The following ACOXL variants were observed in gnomAD, a reference collection of about 807,000 sequenced individuals.
ACOXL encodes the protein acyl-CoA oxidase like, also known as acyl-coenzyme A oxidase-like protein.
A neutral mutation model predicts 71.9 loss-of-function variants in ACOXL; 70 were observed. The observed-to-expected ratio is 0.97, with a 90% confidence interval of 0.80 to 1.19. The LOEUF (loss-of-function observed/expected upper bound fraction) is 1.19. Ranked by LOEUF, ACOXL falls within the 50% of genes most tolerant of loss-of-function variation. The pLI is 0.00. For missense variants in ACOXL, 703 were observed against 736.3 expected, an observed-to-expected ratio of 0.95 and a Z score of 0.52; for synonymous variants, 253 against 281.6, an observed-to-expected ratio of 0.90 and a Z score of 1.02.
At chr2:110,756,881 C>T (rs1191995360) in intron 1 of ACOXL, among the ~76,000 whole-genome samples, 1 of 151,996 alleles carries the variant, frequency 6.6e-6, no homozygotes, top group Non-Finnish European at 1.5e-5. Flanking sequence ...GGGAGATTTG[C>T]CCCTTTTATT....
chr2:111,093,485 A>G, intron 17 of ACOXL: 1 of 1,614,126 alleles, frequency 6.2e-7, no homozygotes, highest in Non-Finnish European at 8.5e-7. Context: ...TCCTTTCTGC[A>G]GGAGAGATGC....
intron 9 of ACOXL, among the ~76,000 whole-genome samples, chr2:110,831,684 T>C (rs148050104): frequency 2.3e-3 from 356 of 152,304 alleles, no homozygotes; most frequent in African/African-American, 7.9e-3. Flanking sequence ...TTTCAAGATA[T>C]ATAGCTACAG....
chr2:110,947,488 T>G (rs2061152194), intron 12 of ACOXL, among the ~76,000 whole-genome samples: 1 of 152,184 alleles, frequency 6.6e-6, no homozygotes, highest in African/African-American at 2.4e-5. Context: ...ACTGGGAGCC[T>G]CAGTTTCCTT....
chr2:111,009,993 A>C (rs1358101252), intron 14 of ACOXL, among the ~76,000 whole-genome samples: 1 of 152,174 alleles, frequency 6.6e-6, no homozygotes, highest in Non-Finnish European at 1.5e-5. Flanking sequence ...CTAGAATAAG[A>C]CTCAATACCC....
At chr2:110,920,164 A>G (rs1338291157) in intron 11 of ACOXL, among the ~76,000 whole-genome samples, 1 of 152,178 alleles carries the variant, frequency 6.6e-6, no homozygotes, top group Non-Finnish European at 1.5e-5. Context: ...AAGTGGTTGT[A>G]TCATTTTGTG....
intron 11 of ACOXL, among the ~76,000 whole-genome samples, chr2:110,909,583 C>T (rs561323809): frequency 2.0e-5 from 3 of 152,142 alleles, no homozygotes; most frequent in South Asian, 2.1e-4. Context: ...GTTCTTTCCT[C>T]CCTCCATAAG....
At chr2:111,094,773 A>T (rs1025230510) in intron 17 of ACOXL, among the ~76,000 whole-genome samples, 8 of 152,322 alleles carry the variant, frequency 5.3e-5, no homozygotes, top group Admixed American at 4.6e-4. Context: ...CTATTAACAG[A>T]CAGTGCTTCT....
intron 16 of ACOXL, among the ~76,000 whole-genome samples, chr2:111,084,899 GAAAA>G (rs113297442): frequency 8.9e-6 from 1 of 112,906 alleles, no homozygotes; most frequent in Non-Finnish European, 1.8e-5. Context: ...TGGAAAACAG[GAAAA>G]AAAAAAAAAA....
rs751405851 is a variant in ACOXL, at chr2:110,995,907, A to G, written c.1184A>G (p.Asn395Ser). Residue 395 changes from asparagine to serine, a missense_variant, in exon 14 of 18, where the codon AAC becomes AGC. By Grantham distance (46) the Asn-to-Ser change is conservative (BLOSUM62 1). Coordinates refer to ENST00000439055, the MANE Select transcript of ACOXL (RefSeq NM_001142807.4). ...TTTTCTTTCAGTTTCCTGGCATTTA[A>G]CATGGACACAGTTGATGATCTCGCC... ...DKLRTSFLAF[N>S]MDTVDDLAFL... is the part of the protein sequence containing the mutation. 2 of 1,613,912 alleles carry G rather than the reference A, an allele frequency of 1.2e-6. No homozygotes were observed. The highest frequency in any genetic ancestry group is 1.3e-5 in the African/African-American group (1 of 74,936).
chr2:110,963,010 C>A (rs1230557236), intron 12 of ACOXL, among the ~76,000 whole-genome samples: 1 of 152,180 alleles, frequency 6.6e-6, no homozygotes, highest in Non-Finnish European at 1.5e-5. Context: ...GCCAAACTTA[C>A]TTTCTCCTGT....
chr2:110,812,671 G>T (rs1031604635), intron 9 of ACOXL, among the ~76,000 whole-genome samples: 1 of 152,246 alleles, frequency 6.6e-6, no homozygotes, highest in African/African-American at 2.4e-5. Context: ...CTCAAAGACC[G>T]AAGAGCTAGA....
At chr2:110,995,837 A>T in intron 13 of ACOXL, 56 bp from the exon 14 acceptor site, 9 of 1,387,778 alleles carry the variant, frequency 6.5e-6, no homozygotes, top group Non-Finnish European at 9.2e-6. Context: ...TTTCTTTCAA[A>T]TGAAATTCTT....
At chr2:110,937,624 G>A (rs1465424686) in intron 12 of ACOXL, among the ~76,000 whole-genome samples, 1 of 152,182 alleles carries the variant, frequency 6.6e-6, no homozygotes, top group Admixed American at 6.5e-5. Flanking sequence ...ATGCATACAT[G>A]CTGCATCTTC....
intron 11 of ACOXL, among the ~76,000 whole-genome samples, chr2:110,917,963 G>A (rs183126990): frequency 2.0e-5 from 3 of 152,236 alleles, no homozygotes; most frequent in Non-Finnish European, 2.9e-5. Flanking sequence ...TCAATTTGTC[G>A]TGAAAATGGT....
chr2:110,963,590 TGTGTGTGTGTG>T, intron 12 of ACOXL: 1 of 1,605,066 alleles, frequency 6.2e-7, no homozygotes. Context: ...TGTGTGTGTG[TGTGTGTGTGTG>T]TGTTTTTCTC....
At chr2:111,012,308 C>T (rs537230675) in intron 14 of ACOXL, among the ~76,000 whole-genome samples, 9 of 152,212 alleles carry the variant, frequency 5.9e-5, no homozygotes, top group Non-Finnish European at 1.0e-4. Flanking sequence ...TTAGACATAA[C>T]GTTATTGCAC....
At chr2:111,008,916 ATTATTTTCCCAT>A (rs1419146856) in intron 14 of ACOXL, among the ~76,000 whole-genome samples, 5 of 152,076 alleles carry the variant, frequency 3.3e-5, no homozygotes, top group Non-Finnish European at 5.9e-5. Flanking sequence ...GTCTGCTCAT[ATTATTTTCCCAT>A]TTTTCCATAG....
At chr2:111,057,944 G>A (rs944233776) in intron 16 of ACOXL, among the ~76,000 whole-genome samples, 12 of 149,590 alleles carry the variant, frequency 8.0e-5, no homozygotes, top group Non-Finnish European at 1.5e-4. Flanking sequence ...AGGGTGCAAC[G>A]CTTTGGGGAT....
intron 12 of ACOXL, among the ~76,000 whole-genome samples, chr2:110,951,963 C>G (rs1424586525): frequency 6.6e-6 from 1 of 152,134 alleles, no homozygotes; most frequent in Non-Finnish European, 1.5e-5. Flanking sequence ...TGTCCTTAAC[C>G]TAGTTTGGAT....
Sources: allele counts gnomAD v4.1 joint callset (sites outside exome capture counted in the v4.1 genomes callset), GRCh38; gene constraint gnomAD v4.1.1; transcripts MANE v1.5; gene names NCBI Gene and HGNC (gene_info 2026-07-23, HGNC 2026-07-21).